DAW1: variants seen among roughly 807,000 people sequenced by gnomAD.
DAW1 encodes dynein assembly factor with WD repeats 1.
Under a neutral mutation model 56.5 loss-of-function variants are expected in DAW1, and 47 were observed. That is an observed-to-expected ratio of 0.83 (90% CI 0.66 to 1.06). DAW1 has a LOEUF of 1.06. Among genes scored for constraint, DAW1 ranks in the 50% least tolerant of loss-of-function variants. The pLI is 0.00. For missense variants in DAW1, 505 were observed against 499.3 expected (o/e 1.01, Z -0.11); for synonymous variants, 190 against 179.0 (o/e 1.06, Z -0.49).
intron 1 of DAW1, among the ~76,000 whole-genome samples, chr2:227,876,267 G>A (rs937552813): frequency 6.6e-5 from 10 of 152,272 alleles, no homozygotes; most frequent in East Asian, 1.9e-4. Context: ...TGATCCACCC[G>A]CCTTGGCCTC....
chr2:227,910,729 A>T (rs186910085), intron 10 of DAW1, among the ~76,000 whole-genome samples: 1 of 152,164 alleles, frequency 6.6e-6, no homozygotes, highest in African/African-American at 2.4e-5. Context: ...TACAAATATG[A>T]TACTACACTA....
intron 1 of DAW1, among the ~76,000 whole-genome samples, chr2:227,875,602 GC>G (rs1025909290): frequency 1.3e-5 from 2 of 152,268 alleles, no homozygotes; most frequent in African/African-American, 4.8e-5. Context: ...TATCACTAGT[GC>G]CCCATATTTT....
intron 6 of DAW1, among the ~76,000 whole-genome samples, chr2:227,899,810 G>C (rs902732519): frequency 6.6e-6 from 1 of 152,154 alleles, no homozygotes; most frequent in African/African-American, 2.4e-5. Flanking sequence ...TGGAACTTAG[G>C]AACAAGATAC....
At chr2:227,903,360 A>G (rs184997185) in intron 7 of DAW1, among the ~76,000 whole-genome samples, 331 of 152,270 alleles carry the variant, frequency 2.2e-3, no homozygotes, top group African/African-American at 7.6e-3. Flanking sequence ...ACCCATCACC[A>G]TCTCTCTGGC....
intron 6 of DAW1, among the ~76,000 whole-genome samples, chr2:227,899,123 G>T (rs1386924403): frequency 2.0e-5 from 3 of 152,158 alleles, no homozygotes; most frequent in Non-Finnish European, 4.4e-5. Flanking sequence ...CATTCCATAA[G>T]AACAGATGAT....
intron 6 of DAW1, among the ~76,000 whole-genome samples, chr2:227,900,389 A>G (rs1337865870): frequency 1.3e-5 from 2 of 152,200 alleles, no homozygotes; most frequent in Non-Finnish European, 2.9e-5. Flanking sequence ...TTAAATATTG[A>G]CTATGTGTGG....
Position 227,924,020 on chromosome 2 carries a change from T to C in DAW1, c.*52T>C. On this transcript the variant is annotated 3_prime_UTR_variant, in exon 13 of 13. Transcript: ENST00000309931. ...CTTGCTAGCAATGGTAATCAAGAAC[T>C]GGAACTTCACAGACAGCAGCTCTCT... 6.2e-7 allele frequency: 1 copy of C among 1,603,722 alleles called. No individual in the cohort carries two copies. The highest frequency in any genetic ancestry group is 8.5e-7 in the Non-Finnish European group (1 of 1,171,400).
chr2:227,884,706 G>T (rs772240006), intron 1 of DAW1, among the ~76,000 whole-genome samples: 18 of 152,154 alleles, frequency 1.2e-4, no homozygotes, highest in South Asian at 2.1e-4. Context: ...GCAGGGAAAC[G>T]CAGGGCTTTG....
At chr2:227,922,475 T>C (rs913043425) in intron 12 of DAW1, among the ~76,000 whole-genome samples, 3 of 152,128 alleles carry the variant, frequency 2.0e-5, no homozygotes, top group African/African-American at 7.2e-5. Context: ...AGGGAATGGG[T>C]GCCACAATAG....
intron 4 of DAW1, among the ~76,000 whole-genome samples, chr2:227,891,753 C>T (rs185659420): frequency 7.9e-5 from 12 of 152,284 alleles, no homozygotes; most frequent in Admixed American, 1.3e-4. Flanking sequence ...GGAGAAGTCT[C>T]GTCTTGACCT....
intron 1 of DAW1, among the ~76,000 whole-genome samples, chr2:227,873,894 T>C (rs948100504): frequency 7.2e-5 from 11 of 152,202 alleles, no homozygotes; most frequent in Non-Finnish European, 1.3e-4. Flanking sequence ...TTGGCCAGGC[T>C]GGTCTTGAAT....
chr2:227,918,775 A>G lies in DAW1; in HGVS notation c.974-5A>G, dbSNP rs1210462859. 6.2e-7 allele frequency: 1 copy of G among 1,614,076 alleles called. No individual in the cohort carries two copies. The highest frequency in any genetic ancestry group is 1.7e-5 in the Admixed American group (1 of 60,012). On this transcript the variant is annotated splice_region_variant and splice_polypyrimidine_tract_variant and intron_variant, in intron 10 of 12. Transcript: ENST00000309931. ...TTTATATATATCCCCACCCCTCTCA[A>G]AAAGGAACAGCAAGAATTTTCAGTG... is the stretch of plus-strand genomic sequence containing the variant.
chr2:227,918,002 T>G (rs1327775221), intron 10 of DAW1, among the ~76,000 whole-genome samples: 1 of 152,224 alleles, frequency 6.6e-6, no homozygotes, highest in Non-Finnish European at 1.5e-5. Context: ...CAAGGCAAAT[T>G]GTAAGTTTTC....
At chr2:227,911,933 A>G (rs80116620) in intron 10 of DAW1, among the ~76,000 whole-genome samples, 1 of 152,160 alleles carries the variant, frequency 6.6e-6, no homozygotes, top group Non-Finnish European at 1.5e-5. Context: ...GCTACATTAC[A>G]TATGTGCCAT....
At chr2:227,893,037 AG>A (rs2106196264) in intron 4 of DAW1, among the ~76,000 whole-genome samples, 1 of 151,980 alleles carries the variant, frequency 6.6e-6, no homozygotes, top group East Asian at 1.9e-4. Context: ...TGGGAGGCCG[AG>A]GTGGGCAGAT....
intron 3 of DAW1, 140 bp from the exon 4 acceptor site, chr2:227,891,115 C>T (rs1691256966): frequency 4.3e-6 from 3 of 691,914 alleles, no homozygotes; most frequent in Admixed American, 5.6e-5. Context: ...TGCCACATAG[C>T]ACTGTCTAAA....
chr2:227,905,090 C>T (rs991714123), intron 8 of DAW1, 55 bp downstream of exon 8: 5 of 1,485,768 alleles, frequency 3.4e-6, no homozygotes, highest in African/African-American at 1.4e-5. Context: ...TTCAGAAAAC[C>T]CTCTGTTATT....
In DAW1 at chr2:227,896,487, C is replaced by T. The variant is rs117637057; in HGVS notation, c.441-1695C>T. Among the ~76,000 whole-genome samples the T allele has an allele frequency of 1.7e-3, 266 of 152,154 alleles. 1 individual carries two copies. The East Asian group carries it at 0.025, about 14-fold the overall frequency. On this transcript the variant is annotated intron_variant, in intron 5 of 12. Coordinates refer to ENST00000309931, the MANE Select transcript of DAW1 (RefSeq NM_178821.3). ...ACCCACGTGTCCAATCAGTTATCTT[C>T]GCCTGATGATTTATGTATGCGTGAA...
intron 4 of DAW1, 38 bp from the exon 5 acceptor site, chr2:227,893,757 C>A: frequency 1.9e-6 from 3 of 1,589,578 alleles, no homozygotes; most frequent in Non-Finnish European, 2.6e-6. Flanking sequence ...AACACACTGC[C>A]ATTCTTCCCT....
Sources: gnomAD v4.1 joint callset for allele counts (sites outside exome capture counted in the v4.1 genomes callset) on GRCh38, gnomAD v4.1.1 for gene constraint, MANE v1.5 for transcripts, NCBI Gene and HGNC (gene_info 2026-07-23, HGNC 2026-07-21) for gene names.